HCN1: variants seen among roughly 807,000 people sequenced by gnomAD.
HCN1 encodes the protein hyperpolarization activated cyclic nucleotide gated potassium channel 1.
Under a neutral mutation model 78.9 loss-of-function variants are expected in HCN1, and 13 were observed. The observed-to-expected ratio is 0.16, with a 90% CI of 0.11 to 0.26. The LOEUF (loss-of-function observed/expected upper bound fraction) is 0.26. Ranked by LOEUF, HCN1 falls within the 10% of genes least tolerant of loss-of-function variation. The pLI, the probability that HCN1 is intolerant of heterozygous loss-of-function variation, is 1.00. For missense variants in HCN1, 810 were observed against 1,154.3 expected (o/e 0.70, Z 4.32); for synonymous variants, 552 against 455.5 (o/e 1.21, Z -2.70).
chr5:45,391,254 T>G (rs1358454546), intron 4 of HCN1, among the ~76,000 whole-genome samples: 1 of 152,070 alleles, frequency 6.6e-6, no homozygotes, highest in Non-Finnish European at 1.5e-5. Flanking sequence ...TAATGCACAT[T>G]AGGGTATCAA....
At chr5:45,272,855 A>G (rs1464487018) in intron 6 of HCN1, among the ~76,000 whole-genome samples, 1 of 152,114 alleles carries the variant, frequency 6.6e-6, no homozygotes, top group Admixed American at 6.6e-5. Flanking sequence ...TTAAATACAA[A>G]ATAAAATAAA....
Position 45,289,534 on chromosome 5 carries a change from G to A in HCN1, c.1618+14065C>T, listed in dbSNP as rs569398178. 6.6e-5 allele frequency among the ~76,000 whole-genome samples: 10 copies of A among 152,140 alleles called. 1 individual carries two copies. In the South Asian group the frequency reaches 2.1e-3, roughly 31 times the overall value. ...CACAACTTTATCCAAGGAACTCAAA[G>A]TACTTTATTAATGTTAGCTCATTAA... On this transcript the variant is annotated intron_variant, in intron 6 of 7. Coordinates refer to ENST00000303230, the MANE Select transcript of HCN1 (RefSeq NM_021072.4).
chr5:45,391,413 T>C (rs1159073321), intron 4 of HCN1, among the ~76,000 whole-genome samples: 1 of 152,184 alleles, frequency 6.6e-6, no homozygotes, highest in Non-Finnish European at 1.5e-5. Context: ...AGCTTCTTGA[T>C]GTAATGAAGA....
intron 2 of HCN1, among the ~76,000 whole-genome samples, chr5:45,473,263 C>T (rs144597651): frequency 2.6e-5 from 4 of 152,008 alleles, no homozygotes; most frequent in African/African-American, 7.2e-5. Flanking sequence ...AACTGCACAA[C>T]TACTTCATGG....
At chr5:45,303,531 C>A (rs897830799) in intron 6 of HCN1, 68 bp downstream of exon 6, 16 of 1,559,144 alleles carry the variant, frequency 1.0e-5, no homozygotes, top group Non-Finnish European at 1.4e-5. Flanking sequence ...GCTGACATCT[C>A]CAAAATTCTT....
At chr5:45,401,726 G>A (rs911134414) in intron 3 of HCN1, among the ~76,000 whole-genome samples, 3 of 147,816 alleles carry the variant, frequency 2.0e-5, no homozygotes, top group African/African-American at 7.5e-5. Flanking sequence ...TGTCTTTTGT[G>A]CCAGTATATA....
At chr5:45,694,941 G>A (rs1239669177) in intron 1 of HCN1, 2 of 152,174 alleles carry the variant, frequency 1.3e-5, no homozygotes, top group African/African-American at 4.8e-5. Context: ...AAGAAAGGGT[G>A]CCGCTCTATT....
At chr5:45,305,042 T>A (rs1430932029) in intron 5 of HCN1, among the ~76,000 whole-genome samples, 1 of 152,118 alleles carries the variant, frequency 6.6e-6, no homozygotes, top group East Asian at 1.9e-4. Context: ...ACCAATTAGT[T>A]ACCCCAAAAA....
At chr5:45,642,912 T>C (rs965918435) in intron 2 of HCN1, 3 of 152,112 alleles carry the variant, frequency 2.0e-5, no homozygotes, top group Non-Finnish European at 4.4e-5. Flanking sequence ...CCATGATATA[T>C]GATATTATAT....
intron 2 of HCN1, among the ~76,000 whole-genome samples, chr5:45,518,962 C>CAT (rs1742567115): frequency 6.6e-6 from 1 of 151,362 alleles, no homozygotes; most frequent in Non-Finnish European, 1.5e-5. Context: ...ATAAAATGTG[C>CAT]ATATATATAC....
At chr5:45,382,076 C>T (rs1747820653) in intron 4 of HCN1, among the ~76,000 whole-genome samples, 1 of 152,162 alleles carries the variant, frequency 6.6e-6, no homozygotes, top group Non-Finnish European at 1.5e-5. Flanking sequence ...TGTGTACTTT[C>T]TCTTTTCTCT....
chr5:45,499,740 G>A (rs1353063805), intron 2 of HCN1, among the ~76,000 whole-genome samples: 1 of 152,170 alleles, frequency 6.6e-6, no homozygotes, highest in Admixed American at 6.5e-5. Flanking sequence ...ACTGACATAT[G>A]TCTATGTATA....
intron 2 of HCN1, among the ~76,000 whole-genome samples, chr5:45,596,351 T>G (rs1744494396): frequency 6.6e-6 from 1 of 152,066 alleles, no homozygotes; most frequent in Admixed American, 6.6e-5. Context: ...AGTAGATAAT[T>G]AAAAAAATAG....
At chr5:45,350,957 A>T (rs1423770409) in intron 5 of HCN1, among the ~76,000 whole-genome samples, 20 of 152,204 alleles carry the variant, frequency 1.3e-4, no homozygotes, top group Non-Finnish European at 2.6e-4. Flanking sequence ...TGCCCAAGGT[A>T]ATTTATAGAT....
intron 1 of HCN1, among the ~76,000 whole-genome samples, chr5:45,691,043 T>C (rs1169988189): frequency 6.6e-6 from 1 of 152,152 alleles, no homozygotes; most frequent in Non-Finnish European, 1.5e-5. Context: ...TTGAGTATAA[T>C]AATGCAGAAT....
intron 2 of HCN1, among the ~76,000 whole-genome samples, chr5:45,594,145 A>C (rs888157765): frequency 6.6e-6 from 1 of 152,280 alleles, no homozygotes; most frequent in African/African-American, 2.4e-5. Flanking sequence ...TGTCTCCCCA[A>C]GTGCCTCAGC....
At chr5:45,398,169 T>C (rs1739720920) in intron 3 of HCN1, among the ~76,000 whole-genome samples, 2 of 152,062 alleles carry the variant, frequency 1.3e-5, no homozygotes, top group African/African-American at 2.4e-5. Context: ...ATTTAACTTA[T>C]CATGCCAATC....
intron 4 of HCN1, among the ~76,000 whole-genome samples, chr5:45,354,920 GA>G (rs1191643348): frequency 6.6e-6 from 1 of 151,930 alleles, no homozygotes; most frequent in African/African-American, 2.4e-5. Context: ...TCATTTTTGG[GA>G]AATTAGTGCT....
chr5:45,265,341 T>A lies in HCN1; in HGVS notation c.1783+1748A>T, dbSNP rs543135009. On this transcript the variant is annotated intron_variant, in intron 7 of 7. Transcript: ENST00000303230. ...GAAACTCATTGCTTAGAAATTAGTC[T>A]CTGTCTCTAACATAAACACTCACAC... 3.9e-5 allele frequency among the ~76,000 whole-genome samples: 6 copies of A among 152,278 alleles called. No individual in the cohort carries two copies. In the South Asian group the frequency reaches 8.3e-4, roughly 21 times the overall value.
Sources: gnomAD v4.1 joint callset for allele counts (sites outside exome capture counted in the v4.1 genomes callset) on GRCh38, gnomAD v4.1.1 for gene constraint, MANE v1.5 for transcripts, NCBI Gene and HGNC (gene_info 2026-07-23, HGNC 2026-07-21) for gene names.